Variants in MSRA observed in about 807,000 individuals in gnomAD.
MSRA encodes the protein methionine sulfoxide reductase A, also known as mitochondrial peptide methionine sulfoxide reductase.
MSRA carries 54 observed loss-of-function variants against 31.3 expected under a neutral mutation model. That is an observed-to-expected ratio of 1.73 (90% CI 1.39 to 2.17). The LOEUF (loss-of-function observed/expected upper bound fraction) is 2.17. MSRA is among the 30% of genes most tolerant of loss of function. The pLI is 0.00. For missense variants in MSRA, 507 were observed against 300.9 expected, an observed-to-expected ratio of 1.69 and a Z score of -5.07; for synonymous variants, 169 against 116.5, an observed-to-expected ratio of 1.45 and a Z score of -2.90.
chr8:10,318,606 G>T (rs1305407566), intron 4 of MSRA, among the ~76,000 whole-genome samples: 6 of 152,182 alleles, frequency 3.9e-5, no homozygotes, highest in Non-Finnish European at 8.8e-5. Flanking sequence ...GCCCTCTGGA[G>T]AACAGCATTA....
intron 1 of MSRA, among the ~76,000 whole-genome samples, chr8:10,170,447 T>A (rs1168524904): frequency 6.6e-6 from 1 of 152,218 alleles, no homozygotes; most frequent in Non-Finnish European, 1.5e-5. Flanking sequence ...CTGAATCTGC[T>A]GGTGCCTTGG....
chr8:10,054,683 G>C (rs1453184029), intron 1 of MSRA, 25 bp downstream of exon 1: 1 of 1,489,518 alleles, frequency 6.7e-7, no homozygotes, highest in East Asian at 2.8e-5. Context: ...CACGGAAGGC[G>C]CGGGCGGCGA....
chr8:10,308,593 T>C (rs141317495), intron 4 of MSRA, among the ~76,000 whole-genome samples: 10 of 152,362 alleles, frequency 6.6e-5, no homozygotes, highest in African/African-American at 2.4e-4. Flanking sequence ...CCGGACTCTT[T>C]ACAGTGGCCA....
intron 5 of MSRA, among the ~76,000 whole-genome samples, chr8:10,384,835 CTT>C (rs776468881): frequency 3.9e-5 from 6 of 152,046 alleles, no homozygotes; most frequent in Admixed American, 1.3e-4. Context: ...GAGCAAAACT[CTT>C]TGTCTCCAAA....
intron 3 of MSRA, among the ~76,000 whole-genome samples, chr8:10,284,211 C>T (rs1436044744): frequency 6.6e-6 from 1 of 152,002 alleles, no homozygotes; most frequent in African/African-American, 2.4e-5. Context: ...TTTTTTGAGA[C>T]AGAGTTTTAC....
At chr8:10,329,778 A>G (rs1563357873) in intron 5 of MSRA, among the ~76,000 whole-genome samples, 3 of 144,484 alleles carry the variant, frequency 2.1e-5, no homozygotes, top group African/African-American at 7.8e-5. Flanking sequence ...CCCAGAACAC[A>G]CTCAGGTTTC....
chr8:10,316,425 A>G (rs116320220), intron 4 of MSRA, among the ~76,000 whole-genome samples: 1,786 of 152,098 alleles, frequency 0.012, 45 homozygotes, highest in African/African-American at 0.041. Context: ...ATATGGGTTT[A>G]CTAATATCCT....
chr8:10,174,133 G>A (rs948345507), intron 1 of MSRA, among the ~76,000 whole-genome samples: 1 of 152,190 alleles, frequency 6.6e-6, no homozygotes, highest in Non-Finnish European at 1.5e-5. Flanking sequence ...TTCGGGGAAG[G>A]AGGTTAGAAG....
Position 10,263,824 on chromosome 8 carries a change from T to A in MSRA, c.331+18601T>A, listed in dbSNP as rs990950780. ...TGTGATTTCGTTATTGTATTTGAAG[T>A]GAATGCTAGAATAGCTGATGCTTTT... On this transcript the variant is annotated intron_variant, in intron 3 of 5. Coordinates refer to ENST00000317173, the MANE Select transcript of MSRA (RefSeq NM_012331.5). Among the ~76,000 whole-genome samples the A allele has an allele frequency of 2.0e-5, 3 of 152,306 alleles. No homozygotes were observed. The South Asian group carries it at 6.2e-4, about 32-fold the overall frequency.
At chr8:10,414,182 C>A (rs779610354) in intron 5 of MSRA, among the ~76,000 whole-genome samples, 8 of 151,834 alleles carry the variant, frequency 5.3e-5, no homozygotes, top group South Asian at 2.1e-4. Flanking sequence ...AAAAAAAAAA[C>A]GAATTTTATG....
At chr8:10,230,078 G>A (rs1484406507) in intron 2 of MSRA, among the ~76,000 whole-genome samples, 3 of 152,164 alleles carry the variant, frequency 2.0e-5, no homozygotes, top group Non-Finnish European at 2.9e-5. Context: ...TTTTCCACCC[G>A]AGGAGCCTCA....
Position 10,183,342 on chromosome 8 carries a change from C to T in MSRA, c.143-24491C>T, listed in dbSNP as rs146176792. Among the ~76,000 whole-genome samples, 95 of 152,288 alleles carry T rather than the reference C, an allele frequency of 6.2e-4. 2 individuals carry two copies. In the East Asian group the frequency reaches 0.016, roughly 25 times the overall value. The stretch of plus-strand genomic sequence containing the variant: ...CCTGCAATGTGTCATCTGGTACTTA[C>T]GGCCTCTGTTTGCCAGGGGCTAAGT... On this transcript the variant is annotated intron_variant, in intron 1 of 5. Transcript: ENST00000317173.
chr8:10,294,490 A>C lies in MSRA; in HGVS notation c.332-7044A>C, dbSNP rs150730968. Among the ~76,000 whole-genome samples, 193 of 152,262 alleles carry C rather than the reference A, an allele frequency of 1.3e-3. 1 individual carries two copies. Among genetic ancestry groups the C allele is most frequent in the Middle Eastern group, 3.4e-3 (1 of 294 alleles). On this transcript the variant is annotated intron_variant, in intron 3 of 5. Transcript: ENST00000317173. Reference sequence around the variant, plus strand: ...AGGAAGTTAAAGCCCATAGAGGAAGAAGCTTTGCCAAAGTCACACAGCTGC... The same window carrying C: ...AGGAAGTTAAAGCCCATAGAGGAAGCAGCTTTGCCAAAGTCACACAGCTGC...
chr8:10,092,122 G>T (rs1388689318), intron 1 of MSRA, among the ~76,000 whole-genome samples: 1 of 151,840 alleles, frequency 6.6e-6, no homozygotes, highest in Non-Finnish European at 1.5e-5. Context: ...TTCTGTGTTT[G>T]TTTTCCTGTT....
chr8:10,063,785 C>T (rs897454406), intron 1 of MSRA, among the ~76,000 whole-genome samples: 2 of 152,178 alleles, frequency 1.3e-5, no homozygotes, highest in Non-Finnish European at 2.9e-5. Flanking sequence ...TTCCAGTCTC[C>T]AGTATTGTGA....
chr8:10,109,533 G>C (rs1339347889), intron 1 of MSRA, among the ~76,000 whole-genome samples: 1 of 151,776 alleles, frequency 6.6e-6, no homozygotes, highest in Non-Finnish European at 1.5e-5. Flanking sequence ...TGGTAGAGAC[G>C]GTTTTACCAT....
intron 1 of MSRA, among the ~76,000 whole-genome samples, chr8:10,093,585 A>G (rs1427096155): frequency 6.6e-6 from 1 of 152,202 alleles, no homozygotes; most frequent in Non-Finnish European, 1.5e-5. Context: ...AAAAGAGTAC[A>G]TTTATCCCAT....
At chr8:10,107,763 G>A (rs1481179382) in intron 1 of MSRA, among the ~76,000 whole-genome samples, 1 of 152,092 alleles carries the variant, frequency 6.6e-6, no homozygotes, top group Non-Finnish European at 1.5e-5. Context: ...GTAGTTTACC[G>A]TGGTGAGCCT....
intron 2 of MSRA, among the ~76,000 whole-genome samples, chr8:10,236,627 C>G (rs540759226): frequency 6.6e-6 from 1 of 152,334 alleles, no homozygotes. Flanking sequence ...TCGCTGCAAC[C>G]TCTGCCTCCT....
Sources: allele counts gnomAD v4.1 joint callset (sites outside exome capture counted in the v4.1 genomes callset), GRCh38; gene constraint gnomAD v4.1.1; transcripts MANE v1.5; gene names NCBI Gene and HGNC (gene_info 2026-07-23, HGNC 2026-07-21).